Variants in RORA observed in about 807,000 individuals in gnomAD.
RORA encodes RAR related orphan receptor A, also known as nuclear receptor ROR-alpha.
Under a neutral mutation model 69.5 loss-of-function variants are expected in RORA, and 7 were observed. The ratio of observed to expected loss-of-function variants is 0.10; its 90% CI spans 0.06 to 0.19. The LOEUF (loss-of-function observed/expected upper bound fraction) is 0.19, where lower values mean the gene tolerates loss of function less well. RORA is among the 10% of genes least tolerant of loss of function. RORA has a pLI of 1.00. For synonymous variants in RORA, 261 were observed against 240.8 expected (o/e 1.08, Z -0.78); for missense variants, 457 against 663.0 (o/e 0.69, Z 3.41).
intron 2 of RORA, chr15:60,592,793 C>T (rs1319077459): frequency 5.9e-6 from 4 of 675,104 alleles, no homozygotes; most frequent in African/African-American, 1.9e-5. Context: ...GCCTTCCCCT[C>T]GCCTTCGGGA....
At chr15:60,666,990 CCA>C (rs1232612428) in intron 2 of RORA, among the ~76,000 whole-genome samples, 7 of 152,142 alleles carry the variant, frequency 4.6e-5, no homozygotes, top group Non-Finnish European at 8.8e-5. Flanking sequence ...CTAGAGAAAG[CCA>C]CAGTTTTTCT....
At chr15:60,740,300 A>G (rs1297041429) in intron 1 of RORA, among the ~76,000 whole-genome samples, 3 of 152,188 alleles carry the variant, frequency 2.0e-5, no homozygotes, top group Non-Finnish European at 4.4e-5. Flanking sequence ...AAAACAGCCA[A>G]ATAAAGTTGC....
At position 60,543,511 on chromosome 15, in the gene RORA, C is replaced by T. The variant is rs148495680; in HGVS notation, c.197-11660G>A. ...TTTTTTTTCTTTAGACAGGGTCTCA[C>T]TCTGTCACCCAGGCTGGAGTGCAGT... On this transcript the variant is annotated intron_variant, in intron 2 of 10. Coordinates refer to ENST00000335670, the MANE Select transcript of RORA (RefSeq NM_134261.3). Among the ~76,000 whole-genome samples the T allele has an allele frequency of 3.9e-3, 591 of 152,158 alleles. 1 individual carries two copies. The highest frequency in any genetic ancestry group is 0.014 in the African/African-American group (568 of 41,470).
At chr15:61,129,975 G>A (rs2079176764) in intron 1 of RORA, among the ~76,000 whole-genome samples, 1 of 152,154 alleles carries the variant, frequency 6.6e-6, no homozygotes, top group Non-Finnish European at 1.5e-5. Flanking sequence ...AGGTGTATAA[G>A]ATTACTGCTT....
intron 1 of RORA, among the ~76,000 whole-genome samples, chr15:61,193,061 C>T (rs1047125364): frequency 4.4e-4 from 9 of 20,256 alleles, no homozygotes; most frequent in African/African-American, 1.3e-3. Flanking sequence ...CCTCACCAGC[C>T]CCTATTCTCT....
At chr15:60,544,183 C>T (rs2066994853) in intron 2 of RORA, among the ~76,000 whole-genome samples, 1 of 152,170 alleles carries the variant, frequency 6.6e-6, no homozygotes, top group Non-Finnish European at 1.5e-5. Flanking sequence ...CATAGTGCTG[C>T]ACTACATAAT....
intron 1 of RORA, among the ~76,000 whole-genome samples, chr15:60,720,099 G>A (rs888413716): frequency 6.6e-6 from 1 of 152,166 alleles, no homozygotes; most frequent in Admixed American, 6.5e-5. Flanking sequence ...ACAGGAAGCA[G>A]GAGCCTAAAA....
chr15:60,995,050 AG>A (rs1183772121), intron 1 of RORA, among the ~76,000 whole-genome samples: 1 of 152,222 alleles, frequency 6.6e-6, no homozygotes, highest in Admixed American at 6.5e-5. Context: ...CGCCGCATAA[AG>A]GAAAAGATTG....
chr15:61,133,593 G>A (rs1295837809), intron 1 of RORA, among the ~76,000 whole-genome samples: 1 of 152,124 alleles, frequency 6.6e-6, no homozygotes, highest in East Asian at 1.9e-4. Context: ...GTCACAAGTC[G>A]GGATGGCCAA....
intron 2 of RORA, among the ~76,000 whole-genome samples, chr15:60,553,055 G>A (rs1274928352): frequency 6.6e-6 from 1 of 152,030 alleles, no homozygotes; most frequent in Non-Finnish European, 1.5e-5. Context: ...CTACTTCACA[G>A]GGCTGTTATG....
chr15:60,820,729 C>T (rs1286858517), intron 1 of RORA, among the ~76,000 whole-genome samples: 1 of 152,174 alleles, frequency 6.6e-6, no homozygotes, highest in Non-Finnish European at 1.5e-5. Flanking sequence ...AACGGCAGAT[C>T]TGGAGGTCCC....
intron 1 of RORA, among the ~76,000 whole-genome samples, chr15:60,985,967 G>T (rs1016089700): frequency 6.6e-6 from 1 of 152,214 alleles, no homozygotes; most frequent in Non-Finnish European, 1.5e-5. Context: ...TTTGAAGGCT[G>T]TGGGAACCAC....
chr15:60,670,073 T>G (rs1313506093), intron 2 of RORA, among the ~76,000 whole-genome samples: 1 of 152,176 alleles, frequency 6.6e-6, no homozygotes, highest in African/African-American at 2.4e-5. Flanking sequence ...ACCCCGATAT[T>G]ACAGGTGTCT....
rs1025682951 is a variant in RORA, at chr15:60,757,937, G to A, written c.167-79251C>T. Among the ~76,000 whole-genome samples, 13 of 152,252 alleles carry A rather than the reference G, an allele frequency of 8.5e-5. No individual in the cohort carries two copies. The South Asian group carries it at 2.7e-3, about 32-fold the overall frequency. On this transcript the variant is annotated intron_variant, in intron 1 of 10. Transcript: ENST00000335670. ...CATGGAGATGGCAAACACAGAGCAC[G>A]GTACAGCCCAGCAATGCAGACATTG...
intron 1 of RORA, among the ~76,000 whole-genome samples, chr15:60,893,880 T>C (rs1479951684): frequency 1.3e-5 from 2 of 152,222 alleles, no homozygotes; most frequent in Non-Finnish European, 2.9e-5. Flanking sequence ...CTAATGGACC[T>C]GCCCAAGGTT....
At chr15:60,578,266 G>A (rs564127686) in intron 2 of RORA, among the ~76,000 whole-genome samples, 1 of 152,144 alleles carries the variant, frequency 6.6e-6, no homozygotes, top group African/African-American at 2.4e-5. Context: ...ATATCTTCCA[G>A]ATTTTGACAC....
chr15:60,849,491 T>C (rs341408), intron 1 of RORA, among the ~76,000 whole-genome samples: 86,881 of 152,060 alleles, frequency 0.57, 25,160 homozygotes, highest in East Asian at 0.72. Flanking sequence ...GCTGTGGAGA[T>C]ACAAATAACT....
chr15:60,891,520 C>G (rs1448199429), intron 1 of RORA, among the ~76,000 whole-genome samples: 1 of 152,144 alleles, frequency 6.6e-6, no homozygotes, highest in South Asian at 2.1e-4. Flanking sequence ...AAGTCAGAGC[C>G]AGGAACAGTA....
At chr15:60,596,079 A>G (rs1207655352) in intron 2 of RORA, among the ~76,000 whole-genome samples, 1 of 152,218 alleles carries the variant, frequency 6.6e-6, no homozygotes, top group Non-Finnish European at 1.5e-5. Flanking sequence ...TAAATAAATG[A>G]TACTTGACTT....
Sources: allele counts gnomAD v4.1 joint callset (sites outside exome capture counted in the v4.1 genomes callset), GRCh38; gene constraint gnomAD v4.1.1; transcripts MANE v1.5; gene names NCBI Gene and HGNC (gene_info 2026-07-23, HGNC 2026-07-21).